DLGAP1: variants seen among roughly 807,000 people sequenced by gnomAD.
DLGAP1 encodes DLG associated protein 1.
DLGAP1 carries 11 observed loss-of-function variants against 90.8 expected under a neutral mutation model. The ratio of observed to expected loss-of-function variants is 0.12; its 90% CI spans 0.08 to 0.20. The LOEUF is 0.20. Among genes scored for constraint, DLGAP1 ranks in the 10% least tolerant of loss-of-function variants. The pLI, the probability that DLGAP1 is intolerant of heterozygous loss-of-function variation, is 1.00. For missense variants in DLGAP1, 1,050 were observed against 1,333.8 expected (o/e 0.79, Z 3.31); for synonymous variants, 558 against 540.7 (o/e 1.03, Z -0.44).
intron 7 of DLGAP1, among the ~76,000 whole-genome samples, chr18:3,666,068 G>C (rs1480264982): frequency 2.6e-5 from 4 of 152,104 alleles, no homozygotes; most frequent in African/African-American, 7.2e-5. Context: ...ATGGGCACCG[G>C]GGGAAGAGAG....
rs2057734497 is a variant in DLGAP1, at chr18:3,613,785, C to T, written c.1592-31537G>A. On this transcript the variant is annotated intron_variant, in intron 7 of 12. Coordinates refer to ENST00000315677, the MANE Select transcript of DLGAP1 (RefSeq NM_004746.4). ...GTTTTATGCTTCATTTTATTACCATCTGTGGAATGGGACAATAACTACAGG... is the reference window on the plus strand; with the variant it reads ...GTTTTATGCTTCATTTTATTACCATTTGTGGAATGGGACAATAACTACAGG... Among the ~76,000 whole-genome samples, 3 of 152,222 alleles carry T rather than the reference C, an allele frequency of 2.0e-5. No individual in the cohort carries two copies. The South Asian group carries it at 6.2e-4, about 31-fold the overall frequency.
chr18:4,133,082 A>G (rs2076343626), intron 2 of DLGAP1, among the ~76,000 whole-genome samples: 1 of 152,186 alleles, frequency 6.6e-6, no homozygotes, highest in East Asian at 1.9e-4. Flanking sequence ...AACGGGCTGC[A>G]ACATGACAGG....
intron 1 of DLGAP1, among the ~76,000 whole-genome samples, chr18:4,443,257 T>C (rs574506281): frequency 2.9e-4 from 44 of 152,308 alleles, no homozygotes; most frequent in African/African-American, 9.9e-4. Context: ...TTTACATAAA[T>C]GTAGCTACTT....
intron 7 of DLGAP1, among the ~76,000 whole-genome samples, chr18:3,641,598 C>T (rs1438902659): frequency 6.7e-6 from 1 of 149,672 alleles, no homozygotes; most frequent in East Asian, 1.9e-4. Flanking sequence ...CACACACACA[C>T]ACACACACAC....
At chr18:3,794,806 G>A (rs28464400) in intron 5 of DLGAP1, among the ~76,000 whole-genome samples, 32,512 of 152,202 alleles carry the variant, frequency 0.21, 3,644 homozygotes, top group Admixed American at 0.25. Context: ...AGCTCTGCCA[G>A]TTCTCAGCAC....
chr18:4,355,910 T>G (rs1598272181), intron 1 of DLGAP1, among the ~76,000 whole-genome samples: 1 of 132,200 alleles, frequency 7.6e-6, no homozygotes, highest in East Asian at 2.1e-4. Flanking sequence ...ATTTATCTAC[T>G]TGTTGCCTTT....
At chr18:3,605,605 C>T (rs955061397) in intron 7 of DLGAP1, among the ~76,000 whole-genome samples, 1 of 152,164 alleles carries the variant, frequency 6.6e-6, no homozygotes. Context: ...CGTTAATTTG[C>T]AAATTCATTG....
At chr18:4,329,424 G>T (rs1001802519) in intron 1 of DLGAP1, among the ~76,000 whole-genome samples, 1 of 151,788 alleles carries the variant, frequency 6.6e-6, no homozygotes, top group East Asian at 1.9e-4. Flanking sequence ...ATCAAATATT[G>T]TAAGTTCTCC....
intron 7 of DLGAP1, among the ~76,000 whole-genome samples, chr18:3,721,167 C>T (rs1385413742): frequency 6.6e-6 from 1 of 152,110 alleles, no homozygotes; most frequent in Non-Finnish European, 1.5e-5. Context: ...ACCTTTGTAA[C>T]TGAGTTGCTA....
At chr18:4,263,783 T>C (rs889869709) in intron 1 of DLGAP1, among the ~76,000 whole-genome samples, 1 of 150,918 alleles carries the variant, frequency 6.6e-6, no homozygotes, top group African/African-American at 2.5e-5. Flanking sequence ...ACATCATCTT[T>C]GTATTTTTTT....
chr18:4,229,670 G>A (rs557644765), intron 1 of DLGAP1, among the ~76,000 whole-genome samples: 1 of 152,032 alleles, frequency 6.6e-6, no homozygotes, highest in Non-Finnish European at 1.5e-5. Context: ...ATTAAGAAAA[G>A]CAAAATGGAC....
chr18:4,075,438 T>C (rs1202558339), intron 2 of DLGAP1, among the ~76,000 whole-genome samples: 1 of 152,198 alleles, frequency 6.6e-6, no homozygotes, highest in Non-Finnish European at 1.5e-5. Context: ...AAATAAATGG[T>C]ATATCCAATA....
In DLGAP1 at chr18:3,874,237, C is replaced by G. The variant is rs141711371; in HGVS notation, c.957+4875G>C. On this transcript the variant is annotated intron_variant, in intron 4 of 12. Transcript: ENST00000315677. Reference sequence around the variant, plus strand: ...TTAAAAAGGTCGATCATTTTGCTTTCCTAAAATTTCATCTCTGGGAGTGCT... The same window carrying G: ...TTAAAAAGGTCGATCATTTTGCTTTGCTAAAATTTCATCTCTGGGAGTGCT... 2.6e-4 allele frequency: 398 copies of G among 1,549,946 alleles called. 2 individuals carry two copies. In the East Asian group the frequency reaches 8.0e-3, roughly 31 times the overall value.
chr18:3,501,248 A>G (rs2143593752), intron 12 of DLGAP1, among the ~76,000 whole-genome samples: 1 of 151,152 alleles, frequency 6.6e-6, no homozygotes, highest in African/African-American at 2.5e-5. Flanking sequence ...AAAAAAAAAA[A>G]ATTAGATGCA....
intron 7 of DLGAP1, among the ~76,000 whole-genome samples, chr18:3,643,697 A>G (rs947932021): frequency 6.6e-6 from 1 of 151,168 alleles, no homozygotes; most frequent in African/African-American, 2.4e-5. Flanking sequence ...GCTGAAGGAT[A>G]TGACATGACA....
chr18:4,131,232 G>A (rs1598452589), intron 2 of DLGAP1, among the ~76,000 whole-genome samples: 1 of 152,248 alleles, frequency 6.6e-6, no homozygotes. Context: ...ACGTGTAAGA[G>A]AGAGAGCAAG....
chr18:3,541,731 A>G (rs2052703295), intron 9 of DLGAP1, among the ~76,000 whole-genome samples: 5 of 152,192 alleles, frequency 3.3e-5, no homozygotes, highest in Admixed American at 3.3e-4. Flanking sequence ...ATCAAAAGAG[A>G]TCTTTTATAG....
intron 3 of DLGAP1, among the ~76,000 whole-genome samples, chr18:3,937,459 G>T (rs183844743): frequency 1.1e-4 from 16 of 152,192 alleles, no homozygotes; most frequent in Non-Finnish European, 1.2e-4. Context: ...AGAACAGTAT[G>T]GGGGAACCTG....
chr18:3,845,209 GC>G lies in DLGAP1; in HGVS notation c.958-30937del. 3 of 1,611,032 alleles carry G rather than the reference GC, an allele frequency of 1.9e-6. No individual in the cohort carries two copies. The East Asian group carries it at 6.7e-5, about 36-fold the overall frequency. On this transcript the variant is annotated intron_variant, in intron 4 of 12. Transcript: ENST00000315677. ...GAAACGATTTATTTTCCTTTCCATAGCCCAGAATTGCTATTAGCTTACCTTA... is the reference window on the plus strand; with the variant it reads ...GAAACGATTTATTTTCCTTTCCATAGCCAGAATTGCTATTAGCTTACCTTA...
Sources: gnomAD v4.1 joint callset for allele counts (sites outside exome capture counted in the v4.1 genomes callset) on GRCh38, gnomAD v4.1.1 for gene constraint, MANE v1.5 for transcripts, NCBI Gene and HGNC (gene_info 2026-07-23, HGNC 2026-07-21) for gene names.